TEX36: variants seen among roughly 807,000 people sequenced by gnomAD.
TEX36 encodes testis expressed 36.
Under a neutral mutation model 13.6 loss-of-function variants are expected in TEX36, and 12 were observed. The observed-to-expected ratio is 0.88, with a 90% CI of 0.56 to 1.43. The LOEUF (loss-of-function observed/expected upper bound fraction) is 1.43, where lower values mean the gene tolerates loss of function less well. Ranked by LOEUF, TEX36 falls within the 40% of genes most tolerant of loss-of-function variation. TEX36 has a pLI of 0.00. For synonymous variants in TEX36, 93 were observed against 83.0 expected, an observed-to-expected ratio of 1.12 and a Z score of -0.65; for missense variants, 224 against 228.3, an observed-to-expected ratio of 0.98 and a Z score of 0.12.
intron 1 of TEX36, chr10:125,666,906 T>G (rs972982157): frequency 2.1e-6 from 1 of 478,292 alleles, no homozygotes; most frequent in African/African-American, 2.0e-5. Context: ...GAAGAGGGAC[T>G]CTCTAGCAGC....
At chr10:125,617,907 G>A (rs2133557066), downstream of TEX36, among the ~76,000 whole-genome samples, 1 of 152,236 alleles carries the variant, frequency 6.6e-6, no homozygotes, top group South Asian at 2.1e-4. Flanking sequence ...CATTCTCCCT[G>A]TCACTTTCAG....
intron 3 of TEX36, among the ~76,000 whole-genome samples, chr10:125,603,262 C>G (rs1177591137): frequency 6.6e-6 from 1 of 152,222 alleles, no homozygotes; most frequent in African/African-American, 2.4e-5. Flanking sequence ...AGATGGTTTC[C>G]ACTTTGATTT....
chr10:125,636,395 T>C (rs1178830399), intron 3 of TEX36, among the ~76,000 whole-genome samples: 37 of 150,326 alleles, frequency 2.5e-4, no homozygotes, highest in African/African-American at 8.9e-4. Flanking sequence ...TATATATTTT[T>C]AGTAGAGGCG....
intron 3 of TEX36, among the ~76,000 whole-genome samples, chr10:125,613,051 C>T (rs1846309433): frequency 6.6e-6 from 1 of 151,792 alleles, no homozygotes; most frequent in South Asian, 2.1e-4. Context: ...AAAGAAAAGT[C>T]CTGCCACCTC....
intron 3 of TEX36, among the ~76,000 whole-genome samples, chr10:125,586,640 A>C (rs1403857023): frequency 2.0e-5 from 3 of 149,684 alleles, no homozygotes; most frequent in South Asian, 2.1e-4. Flanking sequence ...AAATCCAAAA[A>C]AAAAAAAAAA....
intron 3 of TEX36, among the ~76,000 whole-genome samples, chr10:125,596,472 G>A (rs543318180): frequency 8.5e-5 from 13 of 152,322 alleles, no homozygotes; most frequent in South Asian, 4.1e-4. Context: ...CCAGTGGCAC[G>A]TAGAGGCTGG....
At position 125,655,761 on chromosome 10, in the gene TEX36, T is replaced by G. The variant is rs1846929887; in HGVS notation, c.*139A>C. ...CATCACAAATTCATTTCACAAGGAT[T>G]TGAATGTTTTTTGACCTTATAAAAA... On this transcript the variant is annotated 3_prime_UTR_variant, in exon 4 of 4. Coordinates refer to ENST00000368821, the MANE Select transcript of TEX36 (RefSeq NM_001128202.3). 9 of 1,337,876 alleles carry G rather than the reference T, an allele frequency of 6.7e-6. No individual in the cohort carries two copies. In the South Asian group the frequency reaches 9.1e-5, roughly 14 times the overall value. 82.9% of individuals were successfully genotyped at this position (1,337,876 alleles called of 1,614,324 possible). A position where few individuals can be genotyped will look rare whatever the true frequency, so the allele number is the denominator to read the frequency against.
At chr10:125,634,726 C>T (rs1846602204) in intron 3 of TEX36, among the ~76,000 whole-genome samples, 1 of 152,132 alleles carries the variant, frequency 6.6e-6, no homozygotes, top group Non-Finnish European at 1.5e-5. Flanking sequence ...TTAAAAAATG[C>T]CCAGATCTGC....
At chr10:125,577,114 A>C (rs530945135) in intron 3 of TEX36, among the ~76,000 whole-genome samples, 1 of 152,278 alleles carries the variant, frequency 6.6e-6, no homozygotes, top group South Asian at 2.1e-4. Context: ...ATGGGGTACA[A>C]TGAGGGGCAG....
chr10:125,592,173 A>G (rs897520442), intron 3 of TEX36, among the ~76,000 whole-genome samples: 3 of 152,140 alleles, frequency 2.0e-5, no homozygotes, highest in African/African-American at 7.2e-5. Flanking sequence ...TTTTTGGAAG[A>G]GCGTATCTTG....
intron 3 of TEX36, among the ~76,000 whole-genome samples, chr10:125,597,544 A>T (rs1232261501): frequency 6.6e-6 from 1 of 152,232 alleles, no homozygotes; most frequent in Non-Finnish European, 1.5e-5. Context: ...TGGAGGTTTT[A>T]TGTTGTTTTG....
chr10:125,585,312 C>T (rs1313160923), intron 3 of TEX36, among the ~76,000 whole-genome samples: 2 of 152,138 alleles, frequency 1.3e-5, no homozygotes, highest in Admixed American at 1.3e-4. Context: ...CCACTTCCAG[C>T]AGGTCAAGAG....
Position 125,605,745 on chromosome 10 carries a change from G to A in TEX36, c.265-28871C>T, listed in dbSNP as rs533603549. ...GCCTACCGAGTAGCTGGGATTACAG[G>A]TGCCCACCAACACACCTGGCTAATT... is the stretch of plus-strand genomic sequence containing the variant. On this transcript the variant is annotated intron_variant, in intron 3 of 3. Transcript: ENST00000532135. Among the ~76,000 whole-genome samples, 5 of 152,172 alleles carry A rather than the reference G, an allele frequency of 3.3e-5. No individual in the cohort carries two copies. The South Asian group carries it at 6.2e-4, about 19-fold the overall frequency.
chr10:125,578,417 T>G (rs1405893044), intron 3 of TEX36: 1 of 152,270 alleles, frequency 6.6e-6, no homozygotes, highest in Non-Finnish European at 1.5e-5. Flanking sequence ...ACATTTCAAC[T>G]GGAATTAAAT....
At chr10:125,649,667 G>A (rs2044322775) in intron 3 of TEX36, among the ~76,000 whole-genome samples, 1 of 152,166 alleles carries the variant, frequency 6.6e-6, no homozygotes, top group African/African-American at 2.4e-5. Flanking sequence ...AAATGTAAAT[G>A]GGCTAAATGC....
rs142293345 is a variant in TEX36, at chr10:125,683,110, T to G, written c.-121A>C. The G allele has an allele frequency of 7.8e-3, 8,711 of 1,117,658 alleles. 83 individuals carry two copies. Among genetic ancestry groups the G allele is most frequent in the Non-Finnish European group, 7.3e-3 (5,477 of 754,392 alleles). The allele number at this position is 1,117,658 out of a possible 1,614,324, so 69.2% of individuals were successfully genotyped here. On this transcript the variant is annotated 5_prime_UTR_variant, in exon 1 of 4. Coordinates refer to ENST00000368821, the MANE Select transcript of TEX36 (RefSeq NM_001128202.3). Reference sequence around the variant, plus strand: ...TACACGTCTGGGAAGCTCCTCCTCCTCCTTGTTCCTGATCTTTACTTCTCA... The same window carrying G: ...TACACGTCTGGGAAGCTCCTCCTCCGCCTTGTTCCTGATCTTTACTTCTCA...
chr10:125,635,262 T>C (rs1035974234), intron 3 of TEX36, among the ~76,000 whole-genome samples: 2 of 152,194 alleles, frequency 1.3e-5, no homozygotes, highest in Admixed American at 1.3e-4. Context: ...CATTGGAATC[T>C]TCTAGGTAGC....
At chr10:125,611,589 G>T (rs1846290392) in intron 3 of TEX36, among the ~76,000 whole-genome samples, 1 of 151,950 alleles carries the variant, frequency 6.6e-6, no homozygotes, top group Non-Finnish European at 1.5e-5. Flanking sequence ...CTTATTGATG[G>T]ATAAAGCTAT....
chr10:125,634,442 T>C (rs1207428393), intron 3 of TEX36, among the ~76,000 whole-genome samples: 2 of 152,210 alleles, frequency 1.3e-5, no homozygotes, highest in Non-Finnish European at 2.9e-5. Context: ...GAGCAGTTTT[T>C]GCTTTGGGCA....
Sources: allele counts gnomAD v4.1 joint callset (sites outside exome capture counted in the v4.1 genomes callset), GRCh38; gene constraint gnomAD v4.1.1; transcripts MANE v1.5; gene names NCBI Gene and HGNC (gene_info 2026-07-23, HGNC 2026-07-21).